Variants in SLC4A4 observed in about 807,000 individuals in gnomAD.
The protein encoded by SLC4A4 is electrogenic sodium bicarbonate cotransporter 1.
SLC4A4 carries 27 observed loss-of-function variants against 111.5 expected under a neutral mutation model. The ratio of observed to expected loss-of-function variants is 0.24; its 90% CI spans 0.18 to 0.33. The LOEUF is 0.33. SLC4A4 is among the 10% of genes least tolerant of loss of function. SLC4A4 has a pLI of 1.00. For missense variants in SLC4A4, 909 were observed against 1,315.5 expected, an observed-to-expected ratio of 0.69 and a Z score of 4.78; for synonymous variants, 443 against 463.4, an observed-to-expected ratio of 0.96 and a Z score of 0.57.
chr4:71,146,267 T>A (rs1270070404), intron 2 of SLC4A4, among the ~76,000 whole-genome samples: 2 of 152,062 alleles, frequency 1.3e-5, no homozygotes, highest in East Asian at 1.9e-4. Context: ...TTTGAGTGAG[T>A]TTCTTAATTC....
chr4:71,171,029 G>A (rs139136203), intron 2 of SLC4A4, among the ~76,000 whole-genome samples: 101 of 152,246 alleles, frequency 6.6e-4, no homozygotes, highest in African/African-American at 2.4e-3. Flanking sequence ...TGTGTATGGG[G>A]TCAGTAGCAA....
intron 2 of SLC4A4, among the ~76,000 whole-genome samples, chr4:71,176,558 C>T (rs1745101878): frequency 6.6e-6 from 1 of 152,064 alleles, no homozygotes; most frequent in African/African-American, 2.4e-5. Context: ...CCGATTTGAT[C>T]AACTGGAAGA....
chr4:71,129,714 CCCAAA>C (rs1743651269), intron 2 of SLC4A4, among the ~76,000 whole-genome samples: 1 of 145,184 alleles, frequency 6.9e-6, no homozygotes, highest in African/African-American at 2.6e-5. Flanking sequence ...ATGGAATCAA[CCCAAA>C]TGCCCATCAG....
At chr4:71,220,375 A>G (rs911275588) in intron 1 of SLC4A4, among the ~76,000 whole-genome samples, 6 of 152,200 alleles carry the variant, frequency 3.9e-5, no homozygotes, top group African/African-American at 1.4e-4. Flanking sequence ...TGCATTGGGA[A>G]ACAAAAATTT....
chr4:71,534,852 T>C (rs1734272462), intron 18 of SLC4A4, among the ~76,000 whole-genome samples: 2 of 152,164 alleles, frequency 1.3e-5, no homozygotes, highest in Non-Finnish European at 1.5e-5. Flanking sequence ...CACATACTTG[T>C]GTCAGTATGT....
chr4:71,549,426 G>T (rs1343155728), intron 20 of SLC4A4, among the ~76,000 whole-genome samples: 1 of 151,806 alleles, frequency 6.6e-6, no homozygotes, highest in Non-Finnish European at 1.5e-5. Flanking sequence ...TTCCCTGTGG[G>T]TTCCTTGAAG....
chr4:71,359,923 T>G (rs1464137861), intron 6 of SLC4A4, among the ~76,000 whole-genome samples: 1 of 152,126 alleles, frequency 6.6e-6, no homozygotes, highest in Non-Finnish European at 1.5e-5. Context: ...ATAACTGAAA[T>G]TTATAGAGAT....
At chr4:71,246,948 A>G (rs1185888681) in intron 2 of SLC4A4, among the ~76,000 whole-genome samples, 2 of 152,082 alleles carry the variant, frequency 1.3e-5, no homozygotes, top group Non-Finnish European at 2.9e-5. Flanking sequence ...GGCCACTTTA[A>G]AAGTGTGATT....
At position 71,153,574 on chromosome 4, in the gene SLC4A4, CT is replaced by C. The variant is rs1213823661; in HGVS notation, c.-2+60789del. 4.6e-5 allele frequency among the ~76,000 whole-genome samples: 7 copies of C among 152,146 alleles called. No homozygotes were observed. The South Asian group carries it at 1.0e-3, about 23-fold the overall frequency. On this transcript the variant is annotated intron_variant, in intron 2 of 26. Coordinates refer to the SLC4A4 transcript ENST00000649996. Reference sequence around the variant, plus strand: ...ATCAGTAAAATGAAGGGTTCTAAAACTTTTTTTCAGAGAGTAGTGTGAAGAT... The same window carrying C: ...ATCAGTAAAATGAAGGGTTCTAAAACTTTTTTCAGAGAGTAGTGTGAAGAT...
chr4:71,256,580 C>G (rs777496795), intron 3 of SLC4A4, among the ~76,000 whole-genome samples: 8 of 152,014 alleles, frequency 5.3e-5, no homozygotes, highest in Non-Finnish European at 8.8e-5. Flanking sequence ...AAATTTAAGA[C>G]TTAGAAGGAC....
Position 71,342,631 on chromosome 4 carries a change from G to C in SLC4A4, c.389+3126G>C, listed in dbSNP as rs1171767497. On this transcript the variant is annotated intron_variant, in intron 4 of 25. Coordinates refer to ENST00000264485, the MANE Select transcript of SLC4A4 (RefSeq NM_001098484.3). ...ATTTTCATCTTGAAGTTCTTTGTGA[G>C]TTGTTATCATAGAGTATAATTCAGG... Among the ~76,000 whole-genome samples, 3 of 152,146 alleles carry C rather than the reference G, an allele frequency of 2.0e-5. No individual in the cohort carries two copies. In the East Asian group the frequency reaches 5.8e-4, roughly 29 times the overall value.
intron 2 of SLC4A4, among the ~76,000 whole-genome samples, chr4:71,180,049 A>C (rs186578236): frequency 6.6e-6 from 1 of 152,242 alleles, no homozygotes; most frequent in Admixed American, 6.5e-5. Flanking sequence ...ATAATGCTGC[A>C]TATCTACCAT....
At chr4:71,107,278 A>T (rs1466120500) in intron 2 of SLC4A4, among the ~76,000 whole-genome samples, 2 of 151,982 alleles carry the variant, frequency 1.3e-5, no homozygotes, top group Non-Finnish European at 2.9e-5. Context: ...CTTGTTTTCT[A>T]TATGTCTTAT....
intron 7 of SLC4A4, among the ~76,000 whole-genome samples, chr4:71,429,118 C>G (rs1486225958): frequency 1.3e-5 from 2 of 151,994 alleles, no homozygotes. Context: ...ACAGGTGATG[C>G]TGCAGGTCTG....
At chr4:71,451,925 T>A (rs536394795) in intron 11 of SLC4A4, among the ~76,000 whole-genome samples, 1 of 152,354 alleles carries the variant, frequency 6.6e-6, no homozygotes, top group East Asian at 1.9e-4. Context: ...CTCACTGTTC[T>A]GCCTCCTTAG....
At chr4:71,566,654 C>T (rs1737495081) in intron 24 of SLC4A4, among the ~76,000 whole-genome samples, 1 of 151,402 alleles carries the variant, frequency 6.6e-6, no homozygotes, top group Non-Finnish European at 1.5e-5. Flanking sequence ...ATCTTTTTTT[C>T]CTTATGAACA....
chr4:71,409,165 T>A (rs1560481521), intron 7 of SLC4A4, among the ~76,000 whole-genome samples: 1 of 152,094 alleles, frequency 6.6e-6, no homozygotes, highest in Non-Finnish European at 1.5e-5. Context: ...AACTAACTAA[T>A]ATAGTAAACT....
At chr4:71,360,660 A>T (rs1730695211) in intron 6 of SLC4A4, among the ~76,000 whole-genome samples, 1 of 152,172 alleles carries the variant, frequency 6.6e-6, no homozygotes, top group South Asian at 2.1e-4. Context: ...TTGGAACTAT[A>T]CTCATTTGCC....
intron 14 of SLC4A4, among the ~76,000 whole-genome samples, chr4:71,480,102 A>T (rs1728740411): frequency 6.7e-6 from 1 of 149,900 alleles, no homozygotes; most frequent in African/African-American, 2.5e-5. Flanking sequence ...GCTCAGTGCA[A>T]CTTCAAACTA....
Sources: gnomAD v4.1 joint callset for allele counts (sites outside exome capture counted in the v4.1 genomes callset) on GRCh38, gnomAD v4.1.1 for gene constraint, MANE v1.5 for transcripts, NCBI Gene and HGNC (gene_info 2026-07-23, HGNC 2026-07-21) for gene names.